The following PTPRN2 variants were observed in gnomAD, a reference collection of about 807,000 sequenced individuals.
The protein encoded by PTPRN2 is protein tyrosine phosphatase receptor type N2, also known as receptor-type tyrosine-protein phosphatase N2.
A neutral mutation model predicts 118.8 loss-of-function variants in PTPRN2; 74 were observed. The ratio of observed to expected loss-of-function variants is 0.62; its 90% confidence interval spans 0.52 to 0.76. The LOEUF (loss-of-function observed/expected upper bound fraction) is 0.76. Ranked by LOEUF, PTPRN2 falls within the 30% of genes least tolerant of loss-of-function variation. The pLI, the probability that PTPRN2 is intolerant of heterozygous loss-of-function variation, is 0.00. For synonymous variants in PTPRN2, 641 were observed against 608.0 expected (o/e 1.05, Z -0.80); for missense variants, 1,481 against 1,394.4 (o/e 1.06, Z -0.99).
At chr7:158,179,751 G>A (rs1382311645) in intron 5 of PTPRN2, among the ~76,000 whole-genome samples, 1 of 152,102 alleles carries the variant, frequency 6.6e-6, no homozygotes. Context: ...GTTAAAACAG[G>A]GCCAAGGTGG....
intron 12 of PTPRN2, among the ~76,000 whole-genome samples, chr7:157,769,899 C>T (rs1324836533): frequency 1.3e-5 from 2 of 152,242 alleles, no homozygotes; most frequent in Admixed American, 1.3e-4. Flanking sequence ...CTTCCCAAGA[C>T]CCGGCAGATG....
At chr7:158,399,510 G>T (rs1172540520) in intron 2 of PTPRN2, among the ~76,000 whole-genome samples, 2 of 152,150 alleles carry the variant, frequency 1.3e-5, no homozygotes, top group Non-Finnish European at 2.9e-5. Flanking sequence ...TTAAAAATTA[G>T]CCAGGCATGG....
intron 1 of PTPRN2, among the ~76,000 whole-genome samples, chr7:158,585,868 C>G (rs1563459494): frequency 6.6e-6 from 1 of 152,230 alleles, no homozygotes; most frequent in Non-Finnish European, 1.5e-5. Context: ...GCAAACAACT[C>G]TCCCATAAGG....
At chr7:157,594,390 C>T (rs889119240) in intron 17 of PTPRN2, among the ~76,000 whole-genome samples, 22 of 107,522 alleles carry the variant, frequency 2.0e-4, no homozygotes, top group Non-Finnish European at 2.9e-4. Context: ...CCAGGAGGCC[C>T]GGGCTTTGGA....
intron 21 of PTPRN2, among the ~76,000 whole-genome samples, chr7:157,559,601 A>G (rs1453058010): frequency 1.3e-5 from 2 of 152,130 alleles, no homozygotes; most frequent in Non-Finnish European, 2.9e-5. Context: ...AGGGACTGAG[A>G]TGAAGGAGTG....
chr7:158,372,264 AGAGCTGATCCCCCCAACGCTGGTCCCCG>A (rs1810081109), intron 2 of PTPRN2, among the ~76,000 whole-genome samples: 4 of 117,126 alleles, frequency 3.4e-5, no homozygotes, highest in African/African-American at 9.5e-5. Context: ...GCTGGTCCCC[AGAGCTGATCCCCCCAACGCTGGTCCCCG>A]GAGCTGGTCC....
intron 12 of PTPRN2, among the ~76,000 whole-genome samples, chr7:157,790,053 TGTG>T (rs1013747889): frequency 2.5e-5 from 3 of 117,824 alleles, no homozygotes; most frequent in African/African-American, 1.0e-4. Flanking sequence ...GTGGTGTTTG[TGTG>T]GTGTGAATGT....
chr7:157,937,542 G>A (rs1277965333), intron 11 of PTPRN2, among the ~76,000 whole-genome samples: 1 of 152,242 alleles, frequency 6.6e-6, no homozygotes, highest in Non-Finnish European at 1.5e-5. Context: ...GTGGCTTCAT[G>A]TCTCTCACAA....
At chr7:158,012,341 C>A (rs1256104897) in intron 11 of PTPRN2, among the ~76,000 whole-genome samples, 1 of 152,064 alleles carries the variant, frequency 6.6e-6, no homozygotes, top group Admixed American at 6.6e-5. Flanking sequence ...GTGAGACTGA[C>A]TCCAGCAAGC....
chr7:157,912,028 A>G (rs1798134330), intron 11 of PTPRN2, among the ~76,000 whole-genome samples: 1 of 152,134 alleles, frequency 6.6e-6, no homozygotes, highest in South Asian at 2.1e-4. Flanking sequence ...TTCCCTCCAT[A>G]TCTGAAACAG....
chr7:157,636,743 G>A (rs1366687500), intron 14 of PTPRN2, among the ~76,000 whole-genome samples: 1 of 152,164 alleles, frequency 6.6e-6, no homozygotes, highest in Non-Finnish European at 1.5e-5. Flanking sequence ...GAAATGGCGT[G>A]GAAGATGAAG....
rs1170551135 is a variant in PTPRN2, at chr7:157,674,223, G to A, written c.2001+8502C>T. ...AGCAGAGAGCCATGGAGAGCTCCGG[G>A]CCGAAGGGGACTTGGGCCTGGGAGA... On this transcript the variant is annotated intron_variant, in intron 13 of 22. Transcript: ENST00000389418. The surrounding 1 kb of genome is among the most constrained non-coding windows in gnomAD (Gnocchi z 4.5). Among the ~76,000 whole-genome samples, 2 of 152,168 alleles carry A rather than the reference G, an allele frequency of 1.3e-5. No homozygotes were observed. Among genetic ancestry groups the A allele is most frequent in the South Asian group, 4.1e-4 (2 of 4,834 alleles).
chr7:157,629,063 A>G lies in PTPRN2; in HGVS notation c.2197-7554T>C, dbSNP rs111756311. 3.3e-3 allele frequency among the ~76,000 whole-genome samples: 507 copies of G among 152,234 alleles called. No individual in the cohort carries two copies. Among genetic ancestry groups the G allele is most frequent in the African/African-American group, 0.011 (472 of 41,542 alleles). On this transcript the variant is annotated intron_variant, in intron 14 of 22. Transcript: ENST00000389418. The surrounding 1 kb of genome is among the most constrained non-coding windows in gnomAD (Gnocchi z 4.4). The stretch of plus-strand genomic sequence containing the variant: ...CTGATGCAGGACCCGCTCACACGAA[A>G]CATGCTCGCCTTCCTGTTGGCACCA...
intron 11 of PTPRN2, among the ~76,000 whole-genome samples, chr7:158,004,419 AAAATT>A (rs2128863051): frequency 6.6e-6 from 1 of 152,350 alleles, no homozygotes; most frequent in South Asian, 2.1e-4. Context: ...AGCAGATTAA[AAAATT>A]AACCAGCATC....
In PTPRN2 at chr7:158,555,867, C is replaced by T. The variant is rs988417682; in HGVS notation, c.112+31691G>A. 1.3e-5 allele frequency among the ~76,000 whole-genome samples: 2 copies of T among 151,988 alleles called. No individual in the cohort carries two copies. The highest frequency in any genetic ancestry group is 2.9e-5 in the Non-Finnish European group (2 of 68,022). On this transcript the variant is annotated intron_variant, in intron 1 of 22. Coordinates refer to ENST00000389418, the MANE Select transcript of PTPRN2 (RefSeq NM_002847.5). The surrounding 1 kb of genome is among the most constrained non-coding windows in gnomAD (Gnocchi z 4.7). Reference sequence around the variant, plus strand: ...CTTCGAGGACCCAGCTCGCAGAGAACAAAATCTGTGAACAATAATCACAAC... The same window carrying T: ...CTTCGAGGACCCAGCTCGCAGAGAATAAAATCTGTGAACAATAATCACAAC...
At chr7:158,552,807 C>T (rs1826747186) in intron 1 of PTPRN2, among the ~76,000 whole-genome samples, 6 of 152,226 alleles carry the variant, frequency 3.9e-5, no homozygotes, top group Admixed American at 3.3e-4. Context: ...AAAGACCACA[C>T]GTTTTGTGCA....
intron 14 of PTPRN2, among the ~76,000 whole-genome samples, chr7:157,625,014 T>C (rs931950390): frequency 2.6e-5 from 4 of 152,076 alleles, no homozygotes; most frequent in Non-Finnish European, 5.9e-5. Context: ...GAAATGCATA[T>C]CAAAACCACA....
intron 2 of PTPRN2, among the ~76,000 whole-genome samples, chr7:158,371,326 G>C (rs919309652): frequency 3.5e-5 from 5 of 141,902 alleles, no homozygotes; most frequent in Non-Finnish European, 6.0e-5. Context: ...TCCTAAACAA[G>C]CAAAGGAAAG....
At chr7:157,608,490 G>A (rs1802136032) in intron 15 of PTPRN2, among the ~76,000 whole-genome samples, 1 of 152,170 alleles carries the variant, frequency 6.6e-6, no homozygotes, top group Non-Finnish European at 1.5e-5. Flanking sequence ...ATTCCTGCAG[G>A]GGGCGGCAAC....
Sources: allele counts gnomAD v4.1 joint callset (sites outside exome capture counted in the v4.1 genomes callset), GRCh38; gene constraint gnomAD v4.1.1; non-coding constraint Gnocchi (gnomAD v3.1); transcripts MANE v1.5; gene names NCBI Gene and HGNC (gene_info 2026-07-23, HGNC 2026-07-21).